CSMD1: variants seen among roughly 807,000 people sequenced by gnomAD.
CSMD1 encodes CUB and sushi domain-containing protein 1.
In CSMD1, 213 loss-of-function variants were observed where a neutral mutation model predicts 417.5. That is an observed-to-expected ratio of 0.51 (90% CI 0.46 to 0.57). The LOEUF is 0.57. Among genes scored for constraint, CSMD1 ranks in the 20% least tolerant of loss-of-function variants. The pLI, the probability that CSMD1 is intolerant of heterozygous loss-of-function variation, is 0.00. For missense variants in CSMD1, 6,923 were observed against 4,529.7 expected (o/e 1.53, Z -15.17); for synonymous variants, 2,862 against 1,736.8 (o/e 1.65, Z -16.11).
intron 1 of CSMD1, among the ~76,000 whole-genome samples, chr8:4,838,073 T>C (rs910515660): frequency 6.6e-6 from 1 of 152,094 alleles, no homozygotes; most frequent in Non-Finnish European, 1.5e-5. Flanking sequence ...AGGGACATAG[T>C]GGATTTGCCG....
chr8:4,807,254 A>G (rs1369391317), intron 1 of CSMD1, among the ~76,000 whole-genome samples: 2 of 152,180 alleles, frequency 1.3e-5, no homozygotes, highest in African/African-American at 4.8e-5. Flanking sequence ...CACAGAAAGC[A>G]AACCTTATTT....
chr8:3,847,375 C>T (rs963594078), intron 5 of CSMD1, among the ~76,000 whole-genome samples: 6 of 152,134 alleles, frequency 3.9e-5, no homozygotes, highest in Admixed American at 2.6e-4. Context: ...TGGTCCCCTC[C>T]TGCTGGCCTC....
intron 1 of CSMD1, among the ~76,000 whole-genome samples, chr8:4,640,429 A>G (rs908552632): frequency 5.3e-5 from 8 of 152,218 alleles, no homozygotes; most frequent in African/African-American, 1.2e-4. Context: ...GTAAGCCTAA[A>G]TAGCCAGTGG....
intron 23 of CSMD1, among the ~76,000 whole-genome samples, chr8:3,340,709 C>A (rs13250742): frequency 0.21 from 31,955 of 152,066 alleles, 3,839 homozygotes; most frequent in Admixed American, 0.3. Flanking sequence ...CTTATATTTA[C>A]AACTAACAAT....
At chr8:4,021,427 C>G (rs1050885175) in intron 4 of CSMD1, among the ~76,000 whole-genome samples, 1 of 152,128 alleles carries the variant, frequency 6.6e-6, no homozygotes, top group African/African-American at 2.4e-5. Context: ...GTTGAGTGGA[C>G]AGCACTGCTC....
intron 10 of CSMD1, among the ~76,000 whole-genome samples, chr8:3,530,754 C>T (rs770868770): frequency 2.0e-5 from 3 of 152,080 alleles, no homozygotes; most frequent in Non-Finnish European, 4.4e-5. Flanking sequence ...GTCTCAAATT[C>T]CTGACCTCAG....
intron 2 of CSMD1, among the ~76,000 whole-genome samples, chr8:4,605,939 G>A (rs567938348): frequency 1.2e-4 from 18 of 152,236 alleles, no homozygotes; most frequent in East Asian, 7.7e-4. Context: ...TTTTTATGAC[G>A]AGGATGTGTC....
chr8:3,946,167 G>C (rs113327393), intron 5 of CSMD1, among the ~76,000 whole-genome samples: 29 of 151,974 alleles, frequency 1.9e-4, no homozygotes, highest in Non-Finnish European at 3.1e-4. Context: ...TTTGAAATAA[G>C]ATTATTACAA....
At chr8:3,557,122 A>G (rs549969387) in intron 10 of CSMD1, among the ~76,000 whole-genome samples, 2 of 152,182 alleles carry the variant, frequency 1.3e-5, no homozygotes, top group Non-Finnish European at 2.9e-5. Flanking sequence ...ATTACCCACG[A>G]CTGAGCTTCA....
At chr8:3,144,457 A>G (rs1161396338) in intron 40 of CSMD1, among the ~76,000 whole-genome samples, 1 of 152,112 alleles carries the variant, frequency 6.6e-6, no homozygotes, top group African/African-American at 2.4e-5. Flanking sequence ...AAAAAGAAAG[A>G]TCTTTAATAA....
intron 25 of CSMD1, among the ~76,000 whole-genome samples, chr8:3,295,221 T>C (rs1584947280): frequency 6.6e-6 from 1 of 151,938 alleles, no homozygotes; most frequent in Non-Finnish European, 1.5e-5. Context: ...GCCACCCGGG[T>C]TCATGCCATT....
chr8:3,157,408 C>A (rs1370159288), intron 39 of CSMD1, among the ~76,000 whole-genome samples: 3 of 152,154 alleles, frequency 2.0e-5, no homozygotes, highest in Non-Finnish European at 4.4e-5. Flanking sequence ...AAGAAGCCGG[C>A]TGATTGTGCC....
chr8:3,404,718 T>C (rs1450905270), intron 15 of CSMD1, among the ~76,000 whole-genome samples: 1 of 152,198 alleles, frequency 6.6e-6, no homozygotes, highest in East Asian at 1.9e-4. Context: ...GTGTAGCCTT[T>C]TTTTAGTGTT....
chr8:4,948,414 G>A (rs767268864), intron 1 of CSMD1, among the ~76,000 whole-genome samples: 20 of 151,572 alleles, frequency 1.3e-4, no homozygotes, highest in African/African-American at 1.9e-4. Flanking sequence ...CATTCATTGG[G>A]CATATCTATC....
intron 41 of CSMD1, among the ~76,000 whole-genome samples, chr8:3,123,754 T>A (rs1234939466): frequency 6.6e-6 from 1 of 152,168 alleles, no homozygotes; most frequent in Non-Finnish European, 1.5e-5. Flanking sequence ...ATTACCAGAA[T>A]ACAATATTAA....
At chr8:4,986,941 C>T (rs553909085) in intron 1 of CSMD1, among the ~76,000 whole-genome samples, 1 of 152,106 alleles carries the variant, frequency 6.6e-6, no homozygotes, top group Non-Finnish European at 1.5e-5. Context: ...GATTGATAGA[C>T]TCTACCTATC....
intron 3 of CSMD1, among the ~76,000 whole-genome samples, chr8:4,112,175 TA>T: frequency 6.6e-6 from 1 of 152,292 alleles, no homozygotes; most frequent in South Asian, 2.1e-4. Flanking sequence ...GGGCAGTCTA[TA>T]GCTGCTGAGC....
chr8:2,983,998 G>A (rs1272187280), intron 54 of CSMD1, among the ~76,000 whole-genome samples: 1 of 152,184 alleles, frequency 6.6e-6, no homozygotes, highest in African/African-American at 2.4e-5. Flanking sequence ...GTTACAGTAT[G>A]AACTGGTAAC....
chr8:4,513,260 T>C (rs900723589), intron 2 of CSMD1, among the ~76,000 whole-genome samples: 8 of 152,144 alleles, frequency 5.3e-5, no homozygotes, highest in Non-Finnish European at 1.0e-4. Flanking sequence ...ACAGGGGGTA[T>C]ATAAATTTTT....
Sources: allele counts gnomAD v4.1 joint callset (sites outside exome capture counted in the v4.1 genomes callset), GRCh38; gene constraint gnomAD v4.1.1; transcripts MANE v1.5; gene names NCBI Gene and HGNC (gene_info 2026-07-23, HGNC 2026-07-21).